Variants in NDST4 observed in about 807,000 individuals in gnomAD.
NDST4 encodes N-heparan sulfate sulfotransferase 4.
In NDST4, 63 loss-of-function variants were observed where a neutral mutation model predicts 100.8. The observed-to-expected ratio is 0.62, with a 90% CI of 0.51 to 0.77. The LOEUF is 0.77. NDST4 is among the 30% of genes least tolerant of loss of function. The probability of loss-of-function intolerance (pLI) is 0.00; values close to 1 mark genes in which losing one functional copy is unlikely to be tolerated. For synonymous variants in NDST4, 377 were observed against 361.8 expected (o/e 1.04, Z -0.48); for missense variants, 943 against 1,018.4 (o/e 0.93, Z 1.01).
intron 4 of NDST4, among the ~76,000 whole-genome samples, chr4:114,966,349 T>C (rs1726382574): frequency 6.6e-6 from 1 of 152,078 alleles, no homozygotes; most frequent in African/African-American, 2.4e-5. Flanking sequence ...TAATAAAGTC[T>C]CTTCCAACAT....
intron 2 of NDST4, among the ~76,000 whole-genome samples, chr4:115,022,376 T>TGTTCCATATATATATGTGTTCC (rs1560570030): frequency 3.9e-5 from 2 of 51,726 alleles, no homozygotes; most frequent in Admixed American, 4.7e-4. Flanking sequence ...GTGTTCCATG[T>TGTTCCATATATATATGTGTTCC]ACATATGTGT....
chr4:114,909,669 C>CAAAAAAAAAAAAAAAAAA, intron 6 of NDST4, among the ~76,000 whole-genome samples: 1 of 61,662 alleles, frequency 1.6e-5, no homozygotes, highest in Admixed American at 1.6e-4. Flanking sequence ...GACTCCGTCT[C>CAAAAAAAAAAAAAAAAAA]AAAAAAAAAA....
chr4:114,899,481 T>C (rs77276149), intron 6 of NDST4, among the ~76,000 whole-genome samples: 8,992 of 152,110 alleles, frequency 0.059, 726 homozygotes, highest in African/African-American at 0.18. Flanking sequence ...CCAGCCTAGA[T>C]TTTTTATATT....
intron 4 of NDST4, among the ~76,000 whole-genome samples, chr4:114,938,180 G>T (rs1725674477): frequency 1.3e-5 from 2 of 152,004 alleles, no homozygotes; most frequent in Non-Finnish European, 2.9e-5. Context: ...AATTATTTAT[G>T]GTCAGATTCA....
chr4:115,036,812 T>A (rs1004234856), intron 2 of NDST4, among the ~76,000 whole-genome samples: 1 of 151,948 alleles, frequency 6.6e-6, no homozygotes, highest in Non-Finnish European at 1.5e-5. Context: ...CTACAAAAAA[T>A]TTTCAAGCAT....
In NDST4 at chr4:115,113,489, T is replaced by C. The variant is rs1216242559; in HGVS notation, c.-292A>G. Reference sequence around the variant, plus strand: ...TTTGTCTTTTTCTAACTTGAATTTATCCCGTGTTAGAACATGAGATATCCA... The same window carrying C: ...TTTGTCTTTTTCTAACTTGAATTTACCCCGTGTTAGAACATGAGATATCCA... On this transcript the variant is annotated 5_prime_UTR_variant, in exon 1 of 14. Transcript: ENST00000264363. 3 of 152,012 alleles carry C rather than the reference T, an allele frequency of 2.0e-5. No individual in the cohort carries two copies. Among genetic ancestry groups the C allele is most frequent in the African/African-American group, 7.2e-5 (3 of 41,430 alleles). 9.4% of individuals were successfully genotyped at this position (152,012 alleles called of 1,614,324 possible).
chr4:114,990,559 T>TA (rs1312512665), intron 2 of NDST4, among the ~76,000 whole-genome samples: 2 of 152,040 alleles, frequency 1.3e-5, no homozygotes, highest in Non-Finnish European at 2.9e-5. Context: ...TAAAGTCACT[T>TA]AAAAAAATCT....
At chr4:114,867,897 A>G (rs1466421339) in intron 7 of NDST4, among the ~76,000 whole-genome samples, 1 of 152,112 alleles carries the variant, frequency 6.6e-6, no homozygotes, top group Non-Finnish European at 1.5e-5. Context: ...ATTTCCAGTG[A>G]GAGATGAGCA....
chr4:115,009,239 C>G lies in NDST4; in HGVS notation c.979-31965G>C, dbSNP rs190253135. ...TCCGCATCACCAAGTCAATCCTAAG[C>G]CAAAAGAACAAAGCTGGAGGCATCA... On this transcript the variant is annotated intron_variant, in intron 2 of 13. Transcript: ENST00000264363. Among the ~76,000 whole-genome samples, 16 of 128,976 alleles carry G rather than the reference C, an allele frequency of 1.2e-4. 3 individuals carry two copies. Among genetic ancestry groups the G allele is most frequent in the Non-Finnish European group, 2.2e-4 (13 of 60,320 alleles). The allele number at this position is 128,976 out of a possible 152,430, so 84.6% of individuals were successfully genotyped here. A position where few individuals can be genotyped will look rare whatever the true frequency, so the allele number is the denominator to read the frequency against.
intron 2 of NDST4, among the ~76,000 whole-genome samples, chr4:115,043,297 A>G (rs774143267): frequency 4.6e-5 from 7 of 152,074 alleles, no homozygotes; most frequent in Non-Finnish European, 8.8e-5. Context: ...TTTTAATATA[A>G]GCTAAGGTAT....
intron 2 of NDST4, among the ~76,000 whole-genome samples, chr4:115,031,420 C>T (rs1039192275): frequency 6.6e-6 from 1 of 152,064 alleles, no homozygotes; most frequent in Non-Finnish European, 1.5e-5. Flanking sequence ...GTGCCATCCA[C>T]TCTGAAAGTG....
chr4:115,092,248 C>G (rs1729534714), intron 1 of NDST4, among the ~76,000 whole-genome samples: 1 of 152,012 alleles, frequency 6.6e-6, no homozygotes, highest in Non-Finnish European at 1.5e-5. Flanking sequence ...TTTTCTGCAC[C>G]CACTTATTCC....
chr4:114,966,533 T>C (rs182778327), intron 4 of NDST4, among the ~76,000 whole-genome samples: 1 of 152,222 alleles, frequency 6.6e-6, no homozygotes, highest in Admixed American at 6.5e-5. Flanking sequence ...TATCTGAATA[T>C]GTTTGAATCA....
At chr4:115,109,958 T>C (rs1729911692) in intron 1 of NDST4, among the ~76,000 whole-genome samples, 1 of 151,974 alleles carries the variant, frequency 6.6e-6, no homozygotes, top group Admixed American at 6.6e-5. Context: ...AGTAATTTAC[T>C]ATTCACATTT....
chr4:114,915,145 T>A (rs1306586088), intron 6 of NDST4, among the ~76,000 whole-genome samples: 1 of 152,168 alleles, frequency 6.6e-6, no homozygotes, highest in African/African-American at 2.4e-5. Context: ...AATTCAAATG[T>A]TCTTACCAAC....
intron 1 of NDST4, among the ~76,000 whole-genome samples, chr4:115,092,507 GTAA>G (rs1478165337): frequency 6.6e-6 from 1 of 152,134 alleles, no homozygotes; most frequent in Non-Finnish European, 1.5e-5. Context: ...ATAGAATACG[GTAA>G]TAATAAAATC....
At chr4:114,877,095 C>A (rs987485076) in intron 6 of NDST4, among the ~76,000 whole-genome samples, 2 of 149,842 alleles carry the variant, frequency 1.3e-5, no homozygotes, top group African/African-American at 5.0e-5. Flanking sequence ...CACGCGTGCA[C>A]GCGCGCAAGC....
chr4:114,907,170 G>A (rs1057262433), intron 6 of NDST4, among the ~76,000 whole-genome samples: 3 of 152,062 alleles, frequency 2.0e-5, no homozygotes, highest in African/African-American at 7.2e-5. Context: ...AGTGATATAT[G>A]TCCTCACTGT....
chr4:114,840,273 C>T (rs1231012396), intron 10 of NDST4, among the ~76,000 whole-genome samples: 1 of 152,112 alleles, frequency 6.6e-6, no homozygotes, highest in Non-Finnish European at 1.5e-5. Context: ...ATTGGTCAAA[C>T]AGGAAAGGGC....
Sources: gnomAD v4.1 joint callset for allele counts (sites outside exome capture counted in the v4.1 genomes callset) on GRCh38, gnomAD v4.1.1 for gene constraint, MANE v1.5 for transcripts, NCBI Gene and HGNC (gene_info 2026-07-23, HGNC 2026-07-21) for gene names.